The following LRRC8D variants were observed in gnomAD, a reference collection of about 807,000 sequenced individuals.
LRRC8D encodes leucine rich repeat containing 8 VRAC subunit D.
In LRRC8D, 20 loss-of-function variants were observed where a neutral mutation model predicts 55.8. That is an observed-to-expected ratio of 0.36 (90% CI 0.25 to 0.52). LRRC8D has a LOEUF of 0.52. LRRC8D is among the 20% of genes least tolerant of loss of function. LRRC8D has a pLI of 0.93. For missense variants in LRRC8D, 651 were observed against 1,030.8 expected (o/e 0.63, Z 5.05); for synonymous variants, 352 against 377.0 (o/e 0.93, Z 0.77).
intron 2 of LRRC8D, among the ~76,000 whole-genome samples, chr1:89,912,987 T>C (rs954687871): frequency 1.1e-4 from 16 of 152,342 alleles, no homozygotes; most frequent in African/African-American, 3.6e-4. Context: ...TATTTCCTCC[T>C]TACAGAACAG....
At chr1:89,841,402 C>CA (rs1168533298) in intron 1 of LRRC8D, among the ~76,000 whole-genome samples, 2 of 151,378 alleles carry the variant, frequency 1.3e-5, no homozygotes, top group Admixed American at 6.6e-5. Flanking sequence ...GACCACCCCC[C>CA]CCCTTTTTTT....
intron 2 of LRRC8D, among the ~76,000 whole-genome samples, chr1:89,918,926 G>A (rs1283463592): frequency 6.6e-6 from 1 of 152,194 alleles, no homozygotes; most frequent in Non-Finnish European, 1.5e-5. Context: ...GTACAGTTGT[G>A]AGTGATTCAT....
chr1:89,849,101 C>A (rs183255744), intron 2 of LRRC8D, among the ~76,000 whole-genome samples: 1 of 152,312 alleles, frequency 6.6e-6, no homozygotes. Context: ...GTCTCCAACA[C>A]TAAAACATTT....
At chr1:89,922,159 G>A (rs1229609867) in intron 2 of LRRC8D, among the ~76,000 whole-genome samples, 1 of 151,992 alleles carries the variant, frequency 6.6e-6, no homozygotes, top group Non-Finnish European at 1.5e-5. Context: ...CGCCTCTCAG[G>A]TTCAAGCTAT....
Position 89,935,026 on chromosome 1 carries a change from C to G in LRRC8D, c.1958C>G (p.Ala653Gly), listed in dbSNP as rs1273138691. 1.9e-6 allele frequency: 3 copies of G among 1,614,174 alleles called. No homozygotes were observed. Among genetic ancestry groups the G allele is most frequent in the Non-Finnish European group, 2.5e-6 (3 of 1,180,032 alleles). ...QNCELERIPH[A>G]IFSLSNLQEL... is the part of the protein sequence containing the mutation. ...TGTGAGCTAGAGAGAATCCCACATG[C>G]TATTTTCAGCCTCTCTAATTTACAG... Residue 653 changes from alanine to glycine, a missense_variant, in exon 3 of 3, where the codon GCT (alanine) becomes GGT (glycine). Ala to Gly is a moderately conservative substitution (Grantham distance 60). Coordinates refer to ENST00000337338, the MANE Select transcript of LRRC8D (RefSeq NM_001134479.2).
At chr1:89,895,563 A>G (rs888505406) in intron 2 of LRRC8D, among the ~76,000 whole-genome samples, 2 of 152,122 alleles carry the variant, frequency 1.3e-5, no homozygotes, top group Admixed American at 1.3e-4. Flanking sequence ...TTGTTTTTTT[A>G]CTTTTAATTT....
Position 89,936,452 on chromosome 1 carries a change from T to C in LRRC8D, c.*807T>C, listed in dbSNP as rs1164677270. ...ACAAAATAAAAATTTTAATGACTTA[T>C]TAACACAACCTCCAGTATCACCACC... On this transcript the variant is annotated 3_prime_UTR_variant, in exon 3 of 3. Coordinates refer to ENST00000337338, the MANE Select transcript of LRRC8D (RefSeq NM_001134479.2). The C allele has an allele frequency of 1.3e-5, 2 of 155,718 alleles. No homozygotes were observed. The highest frequency in any genetic ancestry group is 6.5e-5 in the Admixed American group (1 of 15,290). 9.6% of individuals were successfully genotyped at this position (155,718 alleles called of 1,614,324 possible).
At chr1:89,913,089 C>T (rs916733826) in intron 2 of LRRC8D, among the ~76,000 whole-genome samples, 4 of 152,154 alleles carry the variant, frequency 2.6e-5, no homozygotes, top group East Asian at 1.9e-4. Context: ...ATTTCTAGCC[C>T]GCAGGAAAAA....
chr1:89,852,345 A>C (rs2100770070), intron 2 of LRRC8D, among the ~76,000 whole-genome samples: 1 of 152,306 alleles, frequency 6.6e-6, no homozygotes, highest in South Asian at 2.1e-4. Flanking sequence ...TGCTCCCCTT[A>C]GTAGCTGTCC....
chr1:89,933,277 C>T lies in LRRC8D; in HGVS notation c.209C>T (p.Pro70Leu), dbSNP rs758622265. 3 of 1,614,122 alleles carry T rather than the reference C, an allele frequency of 1.9e-6. No individual in the cohort carries two copies. Residue 70 changes from proline to leucine, a missense_variant, in exon 3 of 3, where the codon CCA becomes CTA. Pro to Leu is a moderately conservative substitution (Grantham distance 98). Around this residue, in one of 5 missense-constraint regions of LRRC8D, gnomAD observed 118 missense variants for 138.0 expected, o/e 0.85. Transcript: ENST00000337338. This position sits in a 1 kb window ranked among gnomAD's most constrained non-coding sequence, Gnocchi z 7.0. The stretch of plus-strand genomic sequence containing the variant: ...GTAAATTCAAAGGCACATACACCAC[C>T]AGGAAATGCCGAGGTCACCACCAAC... ...SPVNSKAHTP[P>L]GNAEVTTNIP...
At chr1:89,913,332 C>T (rs143292283) in intron 2 of LRRC8D, among the ~76,000 whole-genome samples, 39 of 152,208 alleles carry the variant, frequency 2.6e-4, no homozygotes, top group African/African-American at 9.2e-4. Context: ...ATTTTGGGGG[C>T]ACACTTAGTA....
At position 89,845,601 on chromosome 1, in the gene LRRC8D, G is replaced by A. The variant is rs537229767; in HGVS notation, c.-3+1819G>A. On this transcript the variant is annotated intron_variant, in intron 2 of 2. Coordinates refer to ENST00000337338, the MANE Select transcript of LRRC8D (RefSeq NM_001134479.2). ...ACAGGTGCACGCCACCACACCCAGC[G>A]AATTTTTGTATTTTTAGTAGAGACA... is the stretch of plus-strand genomic sequence containing the variant. 4.6e-5 allele frequency among the ~76,000 whole-genome samples: 7 copies of A among 151,652 alleles called. No individual in the cohort carries two copies. In the East Asian group the frequency reaches 5.9e-4, roughly 13 times the overall value.
At chr1:89,882,291 G>T (rs766854758) in intron 2 of LRRC8D, among the ~76,000 whole-genome samples, 24 of 152,332 alleles carry the variant, frequency 1.6e-4, no homozygotes, top group South Asian at 1.0e-3. Context: ...AGATATCCCT[G>T]CTGTCATGGT....
intron 1 of LRRC8D, among the ~76,000 whole-genome samples, chr1:89,823,754 A>G (rs1286674248): frequency 6.6e-6 from 1 of 152,220 alleles, no homozygotes; most frequent in African/African-American, 2.4e-5. Context: ...CAGAGAGCAG[A>G]TAAGACAGGC....
At chr1:89,860,785 A>AAATATATATATATAT (rs1553123917) in intron 2 of LRRC8D, among the ~76,000 whole-genome samples, 1 of 28,198 alleles carries the variant, frequency 3.5e-5, no homozygotes, top group East Asian at 1.0e-3. Flanking sequence ...AAAAAAAAAA[A>AAATATATATATATAT]ATATATATAT....
chr1:89,823,240 A>G (rs887142972), intron 1 of LRRC8D, among the ~76,000 whole-genome samples: 1 of 152,202 alleles, frequency 6.6e-6, no homozygotes, highest in African/African-American at 2.4e-5. Context: ...TGCAACACTT[A>G]AAGTATTGAG....
At chr1:89,892,856 A>T (rs1348920233) in intron 2 of LRRC8D, among the ~76,000 whole-genome samples, 1 of 152,210 alleles carries the variant, frequency 6.6e-6, no homozygotes, top group Non-Finnish European at 1.5e-5. Context: ...CAAGGTTATT[A>T]TATGTAACTT....
chr1:89,910,936 T>C (rs1170174824), intron 2 of LRRC8D, among the ~76,000 whole-genome samples: 1 of 152,180 alleles, frequency 6.6e-6, no homozygotes, highest in Non-Finnish European at 1.5e-5. Context: ...CTCTACCTCA[T>C]CTTTGTCCCT....
chr1:89,921,095 G>A (rs902478153), intron 2 of LRRC8D, among the ~76,000 whole-genome samples: 2 of 152,198 alleles, frequency 1.3e-5, no homozygotes, highest in African/African-American at 4.8e-5. Flanking sequence ...CAGATGTGGT[G>A]GCTCATGCCT....
Sources: gnomAD v4.1 joint callset for allele counts (sites outside exome capture counted in the v4.1 genomes callset) on GRCh38, gnomAD v4.1.1 for gene constraint, gnomAD v4.1.1 regional missense constraint, Gnocchi (gnomAD v3.1) non-coding constraint, MANE v1.5 for transcripts, NCBI Gene and HGNC (gene_info 2026-07-23, HGNC 2026-07-21) for gene names.